PAPPA2: variants seen among roughly 807,000 people sequenced by gnomAD.
The protein encoded by PAPPA2 is pappalysin 2, also known as pappalysin-2.
Under a neutral mutation model 176.4 loss-of-function variants are expected in PAPPA2, and 86 were observed. The observed-to-expected ratio is 0.49, with a 90% CI of 0.41 to 0.58. PAPPA2 has a LOEUF of 0.58. Among genes scored for constraint, PAPPA2 ranks in the 20% least tolerant of loss-of-function variants. PAPPA2 has a pLI of 0.00. For synonymous variants in PAPPA2, 809 were observed against 852.2 expected (o/e 0.95, Z 0.88); for missense variants, 2,073 against 2,256.9 (o/e 0.92, Z 1.65).
chr1:176,698,749 G>A (rs928750720), intron 7 of PAPPA2, among the ~76,000 whole-genome samples: 1 of 152,152 alleles, frequency 6.6e-6, no homozygotes, highest in Admixed American at 6.5e-5. Context: ...CATAAGTTAT[G>A]AATGGACTAA....
intron 2 of PAPPA2, among the ~76,000 whole-genome samples, chr1:176,571,558 A>C (rs1428058824): frequency 6.6e-6 from 1 of 152,176 alleles, no homozygotes; most frequent in Non-Finnish European, 1.5e-5. Context: ...GGGACCCAGG[A>C]CTTGCTCCAA....
At chr1:176,681,349 C>G (rs1175827101) in intron 4 of PAPPA2, among the ~76,000 whole-genome samples, 1 of 152,130 alleles carries the variant, frequency 6.6e-6, no homozygotes, top group Non-Finnish European at 1.5e-5. Context: ...GGGCAGCATG[C>G]CCTCAGGTGC....
At chr1:176,477,250 G>T (rs1397439904) in intron 1 of PAPPA2, among the ~76,000 whole-genome samples, 1 of 151,980 alleles carries the variant, frequency 6.6e-6, no homozygotes, top group Non-Finnish European at 1.5e-5. Context: ...ACTTTCCTTT[G>T]AAGGCTCAAG....
chr1:176,731,964 C>T (rs1571242012), intron 12 of PAPPA2, among the ~76,000 whole-genome samples: 1 of 152,094 alleles, frequency 6.6e-6, no homozygotes, highest in South Asian at 2.1e-4. Flanking sequence ...AATTCAAGTG[C>T]CCATACTGTG....
intron 17 of PAPPA2, among the ~76,000 whole-genome samples, chr1:176,775,815 G>A (rs1255286167): frequency 6.6e-6 from 1 of 152,136 alleles, no homozygotes; most frequent in African/African-American, 2.4e-5. Flanking sequence ...ATGAGATTTT[G>A]ACTTTCCTGA....
intron 12 of PAPPA2, among the ~76,000 whole-genome samples, chr1:176,721,369 C>T (rs1661608210): frequency 6.6e-6 from 1 of 152,208 alleles, no homozygotes; most frequent in African/African-American, 2.4e-5. Flanking sequence ...TTTACCCTCT[C>T]CAGTGCTCTT....
chr1:176,587,208 G>A (rs554062437), intron 2 of PAPPA2, among the ~76,000 whole-genome samples: 2 of 152,056 alleles, frequency 1.3e-5, no homozygotes, highest in East Asian at 1.9e-4. Context: ...CAGATGGATA[G>A]ACTGCAAAAA....
At chr1:176,623,627 T>TTTTCTTTCTTTCTTTCTTTCTTTCTTTC (rs1558479113) in intron 3 of PAPPA2, among the ~76,000 whole-genome samples, 1 of 81,904 alleles carries the variant, frequency 1.2e-5, no homozygotes, top group African/African-American at 5.8e-5. Context: ...TCCTTCCTTT[T>TTTTCTTTCTTTCTTTCTTTCTTTCTTTC]TTACTTTCTT....
intron 17 of PAPPA2, among the ~76,000 whole-genome samples, chr1:176,786,651 C>T (rs556639775): frequency 7.0e-4 from 106 of 152,262 alleles, no homozygotes; most frequent in South Asian, 1.0e-3. Flanking sequence ...CTGTGGAGCA[C>T]GCCAGGAACA....
chr1:176,488,778 C>T (rs982154460), intron 1 of PAPPA2, among the ~76,000 whole-genome samples: 2 of 152,092 alleles, frequency 1.3e-5, no homozygotes, highest in African/African-American at 4.8e-5. Context: ...TTCCTCTCTC[C>T]CCCACTTCCT....
At chr1:176,784,449 T>A (rs1313179593) in intron 17 of PAPPA2, among the ~76,000 whole-genome samples, 1 of 152,196 alleles carries the variant, frequency 6.6e-6, no homozygotes, top group Non-Finnish European at 1.5e-5. Flanking sequence ...TCAGTCAGTT[T>A]GAGCTGCCAT....
At chr1:176,488,624 T>C (rs734112) in intron 1 of PAPPA2, among the ~76,000 whole-genome samples, 2,002 of 152,256 alleles carry the variant, frequency 0.013, 35 homozygotes, top group Non-Finnish European at 0.018. Flanking sequence ...TCCAGCACAA[T>C]GGAAGGCCCA....
At chr1:176,700,800 T>C (rs191687070) in intron 8 of PAPPA2, among the ~76,000 whole-genome samples, 25 of 152,244 alleles carry the variant, frequency 1.6e-4, no homozygotes, top group Admixed American at 7.8e-4. Context: ...GAGGGGAACA[T>C]TGGGGACAGG....
intron 3 of PAPPA2, among the ~76,000 whole-genome samples, chr1:176,670,630 G>T (rs913273026): frequency 6.6e-6 from 1 of 152,156 alleles, no homozygotes; most frequent in Non-Finnish European, 1.5e-5. Flanking sequence ...TATGGCCTGA[G>T]AATAATTCTC....
chr1:176,476,452 A>G (rs969209796), intron 1 of PAPPA2, among the ~76,000 whole-genome samples: 1 of 152,194 alleles, frequency 6.6e-6, no homozygotes, highest in Non-Finnish European at 1.5e-5. Flanking sequence ...ATGGTTACTG[A>G]TATTTTCAGT....
At chr1:176,589,335 G>A (rs1009562881) in intron 2 of PAPPA2, among the ~76,000 whole-genome samples, 1 of 152,122 alleles carries the variant, frequency 6.6e-6, no homozygotes, top group East Asian at 1.9e-4. Context: ...TAAGACCCAC[G>A]TGAGCATATT....
rs768896585 is a variant in PAPPA2, at chr1:176,789,905, C to T, written c.4812C>T (p.Gly1604=). Residue 1604 remains glycine (G), a synonymous_variant, in exon 18 of 23, where the codon GGC becomes GGT. Transcript: ENST00000367662. ...AGCCACCCCCTCCTGTGTTTGAAGG[C>T]ATGTATGAATGTACCAATGGCTTCA... ...VCEPPPPVFE[G]MYECTNGFSL... The T allele has an allele frequency of 6.2e-7, 1 of 1,614,136 alleles. No individual in the cohort carries two copies. Among genetic ancestry groups the T allele is most frequent in the South Asian group, 1.1e-5 (1 of 91,078 alleles).
chr1:176,582,062 T>G (rs1331770134), intron 2 of PAPPA2, among the ~76,000 whole-genome samples: 1 of 151,534 alleles, frequency 6.6e-6, no homozygotes, highest in Non-Finnish European at 1.5e-5. Flanking sequence ...TAGCTGGGAC[T>G]ACAGGTGCCC....
chr1:176,789,762 C>T, intron 17 of PAPPA2, 47 bp from the exon 18 acceptor site: 9 of 1,557,802 alleles, frequency 5.8e-6, no homozygotes, highest in Non-Finnish European at 7.0e-6. Flanking sequence ...CTTTCATGAC[C>T]TTCTTGAAAG....
Sources: gnomAD v4.1 joint callset for allele counts (sites outside exome capture counted in the v4.1 genomes callset) on GRCh38, gnomAD v4.1.1 for gene constraint, MANE v1.5 for transcripts, NCBI Gene and HGNC (gene_info 2026-07-23, HGNC 2026-07-21) for gene names.